The following RBM12B variants were observed in gnomAD, a reference collection of about 807,000 sequenced individuals.
The protein encoded by RBM12B is RNA binding motif protein 12B.
RBM12B carries 10 observed loss-of-function variants against 34.3 expected under a neutral mutation model. The observed-to-expected ratio is 0.29, with a 90% CI of 0.18 to 0.49. The LOEUF is 0.49. RBM12B is among the 20% of genes least tolerant of loss of function. The pLI, the probability that RBM12B is intolerant of heterozygous loss-of-function variation, is 0.99. For synonymous variants in RBM12B, 477 were observed against 437.1 expected (o/e 1.09, Z -1.14); for missense variants, 1,139 against 1,262.7 (o/e 0.90, Z 1.48).
chr8:93,734,252 T>A lies in RBM12B; in HGVS notation c.2159A>T (p.Gln720Leu). 2 of 1,612,840 alleles carry A rather than the reference T, an allele frequency of 1.2e-6. No homozygotes were observed. Among genetic ancestry groups the A allele is most frequent in the Non-Finnish European group, 1.7e-6 (2 of 1,179,476 alleles). ...SPEEDFRQSP[Q>L]EHFRRPPQEH... is the part of the protein sequence containing the mutation. ...CTGAGGTGGCCTCCGGAAATGCTCC[T>A]GGGGTGACTGCCTGAAGTCCTCCTC... Residue 720 changes from glutamine (Q) to leucine (L), a missense_variant, in exon 4 of 4, where the codon CAG becomes CTG. This residue lies in a region of RBM12B where 863 missense variants were observed against 869.5 expected (regional missense o/e 0.99). Coordinates refer to ENST00000520560, the MANE Select transcript of RBM12B (RefSeq NM_001377960.1).
At position 93,734,266 on chromosome 8, in the gene RBM12B, G is replaced by T. The variant is rs570533170; in HGVS notation, c.2145C>A (p.Phe715Leu). ...GGAAATGCTCCTGGGGTGACTGCCT[G>T]AAGTCCTCCTCAGGGGAATGCCTGA... ...EDFRHSPEEDFRQSPQEHFRR... is the reference protein window; with the variant it reads ...EDFRHSPEEDLRQSPQEHFRR... The change falls in exon 4 of 4, where the codon TTC becomes TTA. Residue 715 changes from phenylalanine (F) to leucine (L), a missense_variant. Physicochemically the swap from Phe to Leu is conservative, Grantham distance 22. Transcript: ENST00000520560. 7.4e-6 allele frequency: 12 copies of T among 1,613,638 alleles called. No homozygotes were observed. The highest frequency in any genetic ancestry group is 4.5e-5 in the East Asian group (2 of 44,850).
In RBM12B at chr8:93,736,143, G is replaced by A. The variant is rs201266850; in HGVS notation, c.268C>T (p.Arg90Cys). The change falls in exon 4 of 4, where the codon CGT (arginine) becomes TGT (cysteine). Residue 90 changes from arginine (R) to cysteine (C), a missense_variant. Transcript: ENST00000520560. ...QKTIEMKRTD[R>C]VGRGRPGSGT... is the part of the protein sequence containing the mutation. ...GATCCTGGACGCCCTCTTCCTACACGATCAGTTCTTTTCATTTCTATAGTC... is the reference window on the plus strand; with the variant it reads ...GATCCTGGACGCCCTCTTCCTACACAATCAGTTCTTTTCATTTCTATAGTC... 148 of 1,614,022 alleles carry A rather than the reference G, an allele frequency of 9.2e-5. No homozygotes were observed. The highest frequency in any genetic ancestry group is 1.5e-4 in the Admixed American group (9 of 60,000).
In RBM12B at chr8:93,734,640, AAGGCCGCCTGAAGTCTTCCTCCCT is replaced by A. The variant is rs1197808596; in HGVS notation, c.1747_1770del (p.Arg583_Pro590del). The stretch of plus-strand genomic sequence containing the variant: ...CAAGGGCGCCTGAAGTCCTCCTCAG[AAGGCCGCCTGAAGTCTTCCTCCCT>A]AGGTCGCCTGAAGTCCTCTGGGGAG... On this transcript the variant is annotated inframe_deletion, in exon 4 of 4. Coordinates refer to ENST00000520560, the MANE Select transcript of RBM12B (RefSeq NM_001377960.1). The A allele has an allele frequency of 1.2e-6, 2 of 1,604,754 alleles. No homozygotes were observed. Among genetic ancestry groups the A allele is most frequent in the South Asian group, 1.1e-5 (1 of 90,528 alleles).
At position 93,730,703 on chromosome 8, in the gene RBM12B, T is replaced by C. The variant is rs1487320798; in HGVS notation, c.*2702A>G. ...TACTCCTGCCATGGCCAATTTGTTATTGACATATCACTAAAGGCAGAGTTG... is the reference window on the plus strand; with the variant it reads ...TACTCCTGCCATGGCCAATTTGTTACTGACATATCACTAAAGGCAGAGTTG... On this transcript the variant is annotated 3_prime_UTR_variant, in exon 4 of 4. Transcript: ENST00000520560. 3 of 139,512 alleles carry C rather than the reference T, an allele frequency of 2.2e-5. No individual in the cohort carries two copies. Among genetic ancestry groups the C allele is most frequent in the Admixed American group, 7.8e-5 (1 of 12,840 alleles). 8.6% of individuals were successfully genotyped at this position (139,512 alleles called of 1,614,324 possible). A position where few individuals can be genotyped will look rare whatever the true frequency, so the allele number is the denominator to read the frequency against.
chr8:93,738,849 T>A (rs1352879342), intron 2 of RBM12B: 2 of 152,166 alleles, frequency 1.3e-5, no homozygotes, highest in African/African-American at 2.4e-5. Context: ...TTCCCCAAAG[T>A]GGGGGTCTGA....
In RBM12B at chr8:93,731,948, T is replaced by C. The variant is rs1811807628; in HGVS notation, c.*1457A>G. The C allele has an allele frequency of 6.6e-6, 1 of 152,636 alleles. No individual in the cohort carries two copies. Among genetic ancestry groups the C allele is most frequent in the East Asian group, 1.9e-4 (1 of 5,204 alleles). 9.5% of individuals were successfully genotyped at this position (152,636 alleles called of 1,614,324 possible). A position where few individuals can be genotyped will look rare whatever the true frequency, so the allele number is the denominator to read the frequency against. ...GCTCAGTGTTTGAGCATGCTGGTTTTACCTATTTATGCTAATTTTAAACCA... is the reference window on the plus strand; with the variant it reads ...GCTCAGTGTTTGAGCATGCTGGTTTCACCTATTTATGCTAATTTTAAACCA... On this transcript the variant is annotated 3_prime_UTR_variant, in exon 4 of 4. Coordinates refer to ENST00000520560, the MANE Select transcript of RBM12B (RefSeq NM_001377960.1).
Position 93,735,469 on chromosome 8 carries a change from A to C in RBM12B, c.942T>G (p.Ile314Met). The change falls in exon 4 of 4, where the codon ATT becomes ATG. Residue 314 changes from isoleucine (I) to methionine (M), a missense_variant. Physicochemically the swap from Ile to Met is conservative, Grantham distance 10. Transcript: ENST00000520560. Reference protein sequence around the residue: ...FRGTDLTDEQIRFLYKDENRT... With the variant: ...FRGTDLTDEQMRFLYKDENRT... ...TATTTTCATCTTTATATAAAAACCT[A>C]ATCTGTTCATCAGTCAGATCAGTAC... 1 of 1,613,312 alleles carries C rather than the reference A, an allele frequency of 6.2e-7. No individual in the cohort carries two copies.
chr8:93,734,620 GCGCCTGAAGTCCTCCTCAGAAGGC>G lies in RBM12B; in HGVS notation c.1767_1790del (p.Ser591_Pro598del), dbSNP rs749216762. Reference sequence around the variant, plus strand: ...GGCGCCTGAAATCTTCCTCCCAAGGGCGCCTGAAGTCCTCCTCAGAAGGCCGCCTGAAGTCTTCCTCCCTAGGTC... The same window carrying G: ...GGCGCCTGAAATCTTCCTCCCAAGGGCGCCTGAAGTCTTCCTCCCTAGGTC... On this transcript the variant is annotated inframe_deletion, in exon 4 of 4. Coordinates refer to ENST00000520560, the MANE Select transcript of RBM12B (RefSeq NM_001377960.1). 23 of 1,605,898 alleles carry G rather than the reference GCGCCTGAAGTCCTCCTCAGAAGGC, an allele frequency of 1.4e-5. No homozygotes were observed. The highest frequency in any genetic ancestry group is 6.9e-5 in the African/African-American group (5 of 72,238).
rs1190393661 is a variant in RBM12B, at chr8:93,735,390, G to A, written c.1021C>T (p.Leu341=). Residue 341 remains leucine, a synonymous_variant, in exon 4 of 4, where the codon CTG becomes TTG. Transcript: ENST00000520560. The part of the protein sequence containing the change: ...FKTLKDYNTA[L]SLHKTVLQYR... ...TGTAAAACAGTCTTATGTAAACTCA[G>A]AGCGGTATTATAGTCTTTCAGAGTC... The A allele has an allele frequency of 1.2e-6, 2 of 1,613,524 alleles. No homozygotes were observed. The highest frequency in any genetic ancestry group is 1.7e-6 in the Non-Finnish European group (2 of 1,179,696).
Position 93,734,702 on chromosome 8 carries a change from T to C in RBM12B, c.1709A>G (p.Glu570Gly). 1.2e-6 allele frequency: 2 copies of C among 1,614,124 alleles called. No homozygotes were observed. The highest frequency in any genetic ancestry group is 1.7e-6 in the Non-Finnish European group (2 of 1,179,984). The change falls in exon 4 of 4, where the codon GAG (glutamate) becomes GGG (glycine). Residue 570 changes from glutamate (E) to glycine (G), a missense_variant. This residue lies in a region of RBM12B where 863 missense variants were observed against 869.5 expected (regional missense o/e 0.99). Coordinates refer to ENST00000520560, the MANE Select transcript of RBM12B (RefSeq NM_001377960.1). ...HSSEDFRFPP[E>G]DFRHSPEDFR... ...GTCCTCTGGGGAGTGCCTGAAGTCCTCCGGGGGGAACCTAAAGTCCTCTGA... is the reference window on the plus strand; with the variant it reads ...GTCCTCTGGGGAGTGCCTGAAGTCCCCCGGGGGGAACCTAAAGTCCTCTGA...
In RBM12B at chr8:93,731,014, A is replaced by C. The variant is rs1182238886; in HGVS notation, c.*2391T>G. Reference sequence around the variant, plus strand: ...TGTCTCTACAAATAATAAAAAATTTAGCCAGACAAGGTGGCACACACCTGT... The same window carrying C: ...TGTCTCTACAAATAATAAAAAATTTCGCCAGACAAGGTGGCACACACCTGT... On this transcript the variant is annotated 3_prime_UTR_variant, in exon 4 of 4. Coordinates refer to ENST00000520560, the MANE Select transcript of RBM12B (RefSeq NM_001377960.1). 6.6e-6 allele frequency: 1 copy of C among 152,214 alleles called. No individual in the cohort carries two copies. Among genetic ancestry groups the C allele is most frequent in the Non-Finnish European group, 1.5e-5 (1 of 68,046 alleles). The allele number at this position is 152,214 out of a possible 1,614,324, so 9.4% of individuals were successfully genotyped here.
Position 93,728,456 on chromosome 8 carries a change from T to A in RBM12B, c.*4949A>T, listed in dbSNP as rs1811643778. The A allele has an allele frequency of 2.0e-6, 1 of 505,234 alleles. No homozygotes were observed. Among genetic ancestry groups the A allele is most frequent in the Non-Finnish European group, 3.5e-6 (1 of 285,690 alleles). 31.3% of individuals were successfully genotyped at this position (505,234 alleles called of 1,614,324 possible). ...TTATGCTGACCAAAAATGAAGGCTTTAAAAAATATTGCATACCAGTCATTT... is the reference window on the plus strand; with the variant it reads ...TTATGCTGACCAAAAATGAAGGCTTAAAAAAATATTGCATACCAGTCATTT... On this transcript the variant is annotated 3_prime_UTR_variant, in exon 4 of 4. Transcript: ENST00000520560.
At position 93,736,479 on chromosome 8, in the gene RBM12B, TG is replaced by T; in HGVS notation, c.-28-42del. Reference sequence around the variant, plus strand: ...TACACATAATAGCAAGTCTTATTTTTGAAGTACCTTAGCCCAAACTAAGCTT... The same window carrying T: ...TACACATAATAGCAAGTCTTATTTTTAAGTACCTTAGCCCAAACTAAGCTT... On this transcript the variant is annotated intron_variant, in intron 3 of 3. Transcript: ENST00000520560. 2.1e-6 allele frequency: 3 copies of T among 1,459,676 alleles called. No individual in the cohort carries two copies. The South Asian group carries it at 4.5e-5, about 22-fold the overall frequency. 90.4% of individuals were successfully genotyped at this position (1,459,676 alleles called of 1,614,324 possible).
intron 3 of RBM12B, 91 bp from the exon 4 acceptor site, chr8:93,736,529 C>A (rs1812028054): frequency 1.6e-5 from 15 of 952,902 alleles, no homozygotes; most frequent in Non-Finnish European, 2.2e-5. Context: ...TTCCTGCTTT[C>A]TTCAACATTT....
intron 3 of RBM12B, 36 bp downstream of exon 3, chr8:93,737,271 G>C (rs1049526288): frequency 1.7e-4 from 26 of 151,962 alleles, no homozygotes; most frequent in African/African-American, 6.0e-4. Flanking sequence ...CATGTTTTTT[G>C]TTGAGCCTCA....
At position 93,735,631 on chromosome 8, in the gene RBM12B, A is replaced by G. The variant is rs775540740; in HGVS notation, c.780T>C (p.Asn260=). The part of the protein sequence containing the change: ...SEEHSPPRGI[N]DRHFRKRSHS... The stretch of plus-strand genomic sequence containing the variant: ...GAGACCGTTTTCGAAAATGTCTATC[A>G]TTAATTCCTCTTGGTGGAGAATGTT... The change falls in exon 4 of 4, where the codon AAT becomes AAC. Residue 260 remains asparagine (N), a synonymous_variant. Transcript: ENST00000520560. 1.2e-6 allele frequency: 2 copies of G among 1,614,162 alleles called. No individual in the cohort carries two copies. Among genetic ancestry groups the G allele is most frequent in the South Asian group, 2.2e-5 (2 of 91,080 alleles).
Position 93,736,043 on chromosome 8 carries a change from C to A in RBM12B, c.368G>T (p.Gly123Val), listed in dbSNP as rs770621355. ...CCCAGCATCTTGATTAATTGAAGAG[C>A]CATATCCAGAATTACTTGCTTCTTC... is the stretch of plus-strand genomic sequence containing the variant. The part of the protein sequence containing the change: ...VKEEASNSGY[G>V]SSINQDAGFH... Residue 123 changes from glycine to valine, a missense_variant, in exon 4 of 4, where the codon GGC becomes GTC. Transcript: ENST00000520560. The A allele has an allele frequency of 6.2e-7, 1 of 1,614,144 alleles. No homozygotes were observed. Among genetic ancestry groups the A allele is most frequent in the Non-Finnish European group, 8.5e-7 (1 of 1,180,030 alleles).
Position 93,733,755 on chromosome 8 carries a change from C to T in RBM12B, c.2656G>A (p.Val886Met). The change falls in exon 4 of 4, where the codon GTG becomes ATG. Residue 886 changes from valine to methionine, a missense_variant. Coordinates refer to ENST00000520560, the MANE Select transcript of RBM12B (RefSeq NM_001377960.1). ...CCACCTTCTGGGCGACCAAAATTCA[C>T]AAAAGGGCGGTGACTTCTAAAATCA... ...PDDFRSHRPF[V>M]NFGRPEGGKF... The T allele has an allele frequency of 1.9e-6, 3 of 1,614,156 alleles. No homozygotes were observed. Among genetic ancestry groups the T allele is most frequent in the East Asian group, 2.2e-5 (1 of 44,886 alleles).
At position 93,736,394 on chromosome 8, in the gene RBM12B, C is replaced by T. The variant is rs753558510; in HGVS notation, c.17G>A (p.Arg6His). 6.3e-6 allele frequency: 10 copies of T among 1,591,844 alleles called. No homozygotes were observed. Among genetic ancestry groups the T allele is most frequent in the African/African-American group, 1.4e-5 (1 of 73,664 alleles). Residue 6 changes from arginine (R) to histidine (H), a missense_variant, in exon 4 of 4, where the codon CGT (arginine) becomes CAT (histidine). Physicochemically the swap from Arg to His is conservative, Grantham distance 29. This residue lies in a region of RBM12B where 216 missense variants were observed against 292.2 expected (regional missense o/e 0.74). Transcript: ENST00000520560. ...CGCAATAAAAGGAAGCCCCAGTAAA[C>T]GGATGACTACAGCCATGCTGAGCTC... is the stretch of plus-strand genomic sequence containing the variant. MAVVI[R>H]LLGLPFIAGP...
Sources: gnomAD v4.1 joint callset for allele counts on GRCh38, gnomAD v4.1.1 for gene constraint, gnomAD v4.1.1 regional missense constraint, MANE v1.5 for transcripts, NCBI Gene and HGNC (gene_info 2026-07-23, HGNC 2026-07-21) for gene names.